Variants in SPAG16 observed in about 807,000 individuals in gnomAD.
SPAG16 encodes the protein sperm associated antigen 16.
SPAG16 carries 86 observed loss-of-function variants against 80.4 expected under a neutral mutation model. That is an observed-to-expected ratio of 1.07 (90% confidence interval 0.90 to 1.28). The LOEUF (loss-of-function observed/expected upper bound fraction) is 1.28. SPAG16 is among the 50% of genes most tolerant of loss of function. The pLI is 0.00. For missense variants in SPAG16, 870 were observed against 765.3 expected, an observed-to-expected ratio of 1.14 and a Z score of -1.61; for synonymous variants, 294 against 265.9, an observed-to-expected ratio of 1.11 and a Z score of -1.03.
At chr2:214,183,072 A>T (rs1459734264) in intron 15 of SPAG16, among the ~76,000 whole-genome samples, 21 of 151,960 alleles carry the variant, frequency 1.4e-4, no homozygotes. Flanking sequence ...GATAATCTCC[A>T]GTTTCATTAT....
intron 15 of SPAG16, among the ~76,000 whole-genome samples, chr2:214,311,190 T>G (rs558824265): frequency 1.3e-3 from 194 of 152,242 alleles, no homozygotes; most frequent in African/African-American, 4.6e-3. Flanking sequence ...GCAGTCTGCA[T>G]TCCCCCTCTC....
chr2:213,949,993 A>G (rs1051166898), intron 12 of SPAG16, among the ~76,000 whole-genome samples: 1 of 152,220 alleles, frequency 6.6e-6, no homozygotes, highest in South Asian at 2.1e-4. Flanking sequence ...ATGTAGGATC[A>G]GAAGTAACTG....
At chr2:214,177,834 A>T (rs564839715) in intron 15 of SPAG16, among the ~76,000 whole-genome samples, 53 of 145,676 alleles carry the variant, frequency 3.6e-4, no homozygotes, top group African/African-American at 1.1e-3. Context: ...TAAATATTTT[A>T]TATGTCTTAA....
At position 213,978,233 on chromosome 2, in the gene SPAG16, C is replaced by T. The variant is rs76094837; in HGVS notation, c.1401-35718C>T. On this transcript the variant is annotated intron_variant, in intron 12 of 15. Transcript: ENST00000331683. ...TTTACTCTAAACAGAGTATATTCAACATTTTTAATGGAAATTTCCTCAGCT... is the reference window on the plus strand; with the variant it reads ...TTTACTCTAAACAGAGTATATTCAATATTTTTAATGGAAATTTCCTCAGCT... 1.6e-4 allele frequency among the ~76,000 whole-genome samples: 24 copies of T among 152,170 alleles called. No homozygotes were observed. The East Asian group carries it at 3.5e-3, about 22-fold the overall frequency.
At chr2:213,892,509 T>A (rs979561954) in intron 11 of SPAG16, among the ~76,000 whole-genome samples, 4 of 152,152 alleles carry the variant, frequency 2.6e-5, no homozygotes, top group Non-Finnish European at 4.4e-5. Context: ...GTGAGCTCTC[T>A]GACAAAGAAT....
intron 7 of SPAG16, among the ~76,000 whole-genome samples, chr2:213,359,766 C>T (rs1559452618): frequency 6.6e-6 from 1 of 152,164 alleles, no homozygotes; most frequent in Non-Finnish European, 1.5e-5. Flanking sequence ...TCAGCTTGCC[C>T]TCCGTGGGCT....
intron 11 of SPAG16, chr2:213,923,752 T>G (rs1426452850): frequency 2.0e-5 from 3 of 152,232 alleles, no homozygotes; most frequent in Non-Finnish European, 4.4e-5. Flanking sequence ...TGAGGGCAGG[T>G]GAGGTCACAT....
chr2:214,120,242 T>C (rs184350429), intron 14 of SPAG16, among the ~76,000 whole-genome samples: 17 of 151,918 alleles, frequency 1.1e-4, no homozygotes, highest in African/African-American at 3.9e-4. Context: ...GCATCCCAAT[T>C]AATTTCTTCC....
At chr2:213,743,077 G>T (rs2067651810) in intron 10 of SPAG16, among the ~76,000 whole-genome samples, 1 of 141,646 alleles carries the variant, frequency 7.1e-6, no homozygotes, top group South Asian at 2.2e-4. Context: ...CTAATTTTTT[G>T]TATTTTTGGT....
intron 13 of SPAG16, among the ~76,000 whole-genome samples, chr2:214,030,353 G>A (rs2048347882): frequency 6.6e-6 from 1 of 152,028 alleles, no homozygotes; most frequent in Non-Finnish European, 1.5e-5. Flanking sequence ...TATACCATAT[G>A]ATCCAGCACT....
At chr2:213,756,162 A>C (rs911426449) in intron 10 of SPAG16, among the ~76,000 whole-genome samples, 1 of 152,100 alleles carries the variant, frequency 6.6e-6, no homozygotes, top group Non-Finnish European at 1.5e-5. Context: ...TAATTTTAGC[A>C]ATCCAATAGG....
chr2:214,085,211 A>C (rs2051642987), intron 13 of SPAG16, among the ~76,000 whole-genome samples: 2 of 152,144 alleles, frequency 1.3e-5, no homozygotes, highest in Admixed American at 6.6e-5. Context: ...GAGTGAGTCA[A>C]AAGACTTATA....
chr2:213,943,507 G>A (rs919326219), intron 12 of SPAG16, among the ~76,000 whole-genome samples: 4 of 152,038 alleles, frequency 2.6e-5, no homozygotes, highest in African/African-American at 9.7e-5. Flanking sequence ...ATGGAGAAAA[G>A]GCACTCCTTG....
chr2:214,139,384 A>G (rs1369586481), intron 14 of SPAG16, among the ~76,000 whole-genome samples: 1 of 151,712 alleles, frequency 6.6e-6, no homozygotes, highest in East Asian at 1.9e-4. Context: ...TCTGTTTTTG[A>G]CAAACCTTTC....
intron 13 of SPAG16, among the ~76,000 whole-genome samples, chr2:214,016,228 C>G (rs1039965483): frequency 1.3e-5 from 2 of 152,144 alleles, no homozygotes; most frequent in Non-Finnish European, 2.9e-5. Flanking sequence ...GTTTAATGAA[C>G]TCACAGTTCC....
At chr2:214,294,389 A>ATAAT (rs1693997930) in intron 15 of SPAG16, among the ~76,000 whole-genome samples, 1 of 151,978 alleles carries the variant, frequency 6.6e-6, no homozygotes, top group African/African-American at 2.4e-5. Flanking sequence ...GTTGCTTCCA[A>ATAAT]TAATTTCTCT....
chr2:213,393,474 G>A (rs997819757), intron 9 of SPAG16, among the ~76,000 whole-genome samples: 5 of 151,852 alleles, frequency 3.3e-5, no homozygotes, highest in African/African-American at 1.2e-4. Context: ...GTTTCTAAGA[G>A]TCTTTAGTGT....
chr2:213,396,754 G>C, intron 9 of SPAG16: 1 of 429,624 alleles, frequency 2.3e-6, no homozygotes, highest in South Asian at 1.7e-5. Context: ...AGCAACAGGT[G>C]TTCCTGGCTT....
chr2:214,068,368 A>G (rs916895827), intron 13 of SPAG16, among the ~76,000 whole-genome samples: 12 of 152,176 alleles, frequency 7.9e-5, no homozygotes, highest in Non-Finnish European at 1.5e-4. Context: ...TGTTGAACTC[A>G]GAATAAAAGG....
Sources: gnomAD v4.1 joint callset for allele counts (sites outside exome capture counted in the v4.1 genomes callset) on GRCh38, gnomAD v4.1.1 for gene constraint, MANE v1.5 for transcripts, NCBI Gene and HGNC (gene_info 2026-07-23, HGNC 2026-07-21) for gene names.